The following PLXNA4 variants were observed in gnomAD, a reference collection of about 807,000 sequenced individuals.
The protein encoded by PLXNA4 is plexin-A4.
Under a neutral mutation model 191.8 loss-of-function variants are expected in PLXNA4, and 44 were observed. The ratio of observed to expected loss-of-function variants is 0.23; its 90% CI spans 0.18 to 0.29. The LOEUF (loss-of-function observed/expected upper bound fraction) is 0.29. Among genes scored for constraint, PLXNA4 ranks in the 10% least tolerant of loss-of-function variants. PLXNA4 has a pLI of 1.00. For synonymous variants in PLXNA4, 1,082 were observed against 1,009.5 expected, an observed-to-expected ratio of 1.07 and a Z score of -1.36; for missense variants, 1,800 against 2,488.8, an observed-to-expected ratio of 0.72 and a Z score of 5.89.
chr7:132,127,653 G>A lies in PLXNA4; in HGVS notation c.*2826C>T, dbSNP rs1291536151. 6.6e-6 allele frequency: 1 copy of A among 152,128 alleles called. No individual in the cohort carries two copies. The highest frequency in any genetic ancestry group is 1.5e-5 in the Non-Finnish European group (1 of 68,026). 9.4% of individuals were successfully genotyped at this position (152,128 alleles called of 1,614,324 possible). ...CTGGATACCTGGCTCAAATTTCTCA[G>A]TCCCCAAGCAGGCCACGGGGACTGC... On this transcript the variant is annotated 3_prime_UTR_variant, in exon 32 of 32. Transcript: ENST00000321063.
intron 10 of PLXNA4, among the ~76,000 whole-genome samples, chr7:132,204,430 A>G (rs1797546330): frequency 6.6e-6 from 1 of 152,248 alleles, no homozygotes; most frequent in South Asian, 2.1e-4. Context: ...CACAAGGGGC[A>G]GGATGGAAGA....
At chr7:132,236,535 G>T (rs1429371655) in intron 5 of PLXNA4, among the ~76,000 whole-genome samples, 1 of 152,120 alleles carries the variant, frequency 6.6e-6, no homozygotes, top group African/African-American at 2.4e-5. Flanking sequence ...GCCCATGGTG[G>T]GGGCCTAACA....
At chr7:132,234,528 G>A (rs528685807) in intron 5 of PLXNA4, among the ~76,000 whole-genome samples, 1 of 151,640 alleles carries the variant, frequency 6.6e-6, no homozygotes, top group African/African-American at 2.4e-5. Context: ...CAGACCACAG[G>A]GCTTTTCTAA....
intron 5 of PLXNA4, among the ~76,000 whole-genome samples, chr7:132,239,685 T>C (rs943284839): frequency 2.0e-5 from 3 of 152,222 alleles, no homozygotes; most frequent in Non-Finnish European, 2.9e-5. Flanking sequence ...GCATTCTGAA[T>C]GCAACCTCTG....
intron 4 of PLXNA4, among the ~76,000 whole-genome samples, chr7:132,297,301 T>C (rs1456756017): frequency 6.6e-6 from 1 of 152,090 alleles, no homozygotes; most frequent in Non-Finnish European, 1.5e-5. Flanking sequence ...GGTACAGCAG[T>C]GCTGCACCTC....
chr7:132,301,350 C>A (rs532592972), intron 3 of PLXNA4, among the ~76,000 whole-genome samples: 19 of 152,078 alleles, frequency 1.2e-4, no homozygotes, highest in Non-Finnish European at 2.4e-4. Context: ...ACAAATAGAA[C>A]AAGAGCTGTT....
At chr7:132,456,405 A>G (rs910413559) in intron 3 of PLXNA4, among the ~76,000 whole-genome samples, 2 of 152,000 alleles carry the variant, frequency 1.3e-5, no homozygotes, top group Non-Finnish European at 2.9e-5. Flanking sequence ...GAGCCACTGC[A>G]CCCAGCCTCT....
At chr7:132,568,423 G>A (rs1052248800) in intron 1 of PLXNA4, among the ~76,000 whole-genome samples, 3 of 152,168 alleles carry the variant, frequency 2.0e-5, no homozygotes, top group Non-Finnish European at 2.9e-5. Flanking sequence ...ACACAGACTC[G>A]TGAATTCTGG....
At chr7:132,616,538 T>C (rs539648288) in intron 2 of PLXNA4, among the ~76,000 whole-genome samples, 1 of 152,170 alleles carries the variant, frequency 6.6e-6, no homozygotes, top group Non-Finnish European at 1.5e-5. Flanking sequence ...TCCATAAAAC[T>C]TTTTGAGCAT....
chr7:132,146,208 A>C (rs1392483220), intron 28 of PLXNA4, among the ~76,000 whole-genome samples: 1 of 152,032 alleles, frequency 6.6e-6, no homozygotes, highest in African/African-American at 2.4e-5. Flanking sequence ...AAGGCATGGC[A>C]GAAGAATGTG....
chr7:132,311,524 G>A (rs1309607777), intron 3 of PLXNA4, among the ~76,000 whole-genome samples: 1 of 152,128 alleles, frequency 6.6e-6, no homozygotes, highest in Non-Finnish European at 1.5e-5. Flanking sequence ...CTTCAAACCT[G>A]TACTCAGCAA....
intron 4 of PLXNA4, among the ~76,000 whole-genome samples, chr7:132,296,042 C>T (rs1801064900): frequency 6.6e-6 from 1 of 152,192 alleles, no homozygotes; most frequent in African/African-American, 2.4e-5. Context: ...TTAATCATTG[C>T]ACTGTTCTAC....
At chr7:132,163,053 C>T (rs570096135) in intron 24 of PLXNA4, among the ~76,000 whole-genome samples, 71 of 152,336 alleles carry the variant, frequency 4.7e-4, no homozygotes, top group Admixed American at 1.3e-3. Flanking sequence ...CCGTCCTCCT[C>T]GTTCCCTTCT....
At chr7:132,453,689 G>A (rs1032566424) in intron 3 of PLXNA4, among the ~76,000 whole-genome samples, 3 of 151,964 alleles carry the variant, frequency 2.0e-5, no homozygotes, top group Non-Finnish European at 4.4e-5. Flanking sequence ...TTACAGGCAC[G>A]TGCCACCATG....
intron 1 of PLXNA4, among the ~76,000 whole-genome samples, chr7:132,517,635 G>A (rs1798993484): frequency 6.6e-6 from 1 of 152,198 alleles, no homozygotes; most frequent in African/African-American, 2.4e-5. Context: ...CTGGCCCTAG[G>A]AAGAGTTCTC....
intron 3 of PLXNA4, among the ~76,000 whole-genome samples, chr7:132,444,704 T>A (rs116126528): frequency 0.016 from 2,475 of 152,276 alleles, 64 homozygotes; most frequent in African/African-American, 0.056. Context: ...GTGGGGTTTG[T>A]GTGAAGCTGT....
intron 3 of PLXNA4, among the ~76,000 whole-genome samples, chr7:132,312,545 T>A (rs1479480180): frequency 6.6e-6 from 1 of 152,202 alleles, no homozygotes; most frequent in Non-Finnish European, 1.5e-5. Flanking sequence ...GACATATCAA[T>A]AATAATATAT....
At chr7:132,228,655 G>A (rs547764983) in intron 5 of PLXNA4, among the ~76,000 whole-genome samples, 186 bp from the exon 6 acceptor site, 132 of 152,242 alleles carry the variant, frequency 8.7e-4, no homozygotes, top group Non-Finnish European at 1.6e-3. Flanking sequence ...TAGAAAAGAT[G>A]GCAATTTCAA....
chr7:132,460,536 T>C (rs1796470176), intron 3 of PLXNA4, among the ~76,000 whole-genome samples: 2 of 152,094 alleles, frequency 1.3e-5, no homozygotes, highest in African/African-American at 2.4e-5. Context: ...GCAAAGAACC[T>C]TGGGTGATGT....
Sources: gnomAD v4.1 joint callset for allele counts (sites outside exome capture counted in the v4.1 genomes callset) on GRCh38, gnomAD v4.1.1 for gene constraint, MANE v1.5 for transcripts, NCBI Gene and HGNC (gene_info 2026-07-23, HGNC 2026-07-21) for gene names.